The following TAFA1 variants were observed in gnomAD, a reference collection of about 807,000 sequenced individuals.
TAFA1 encodes the protein chemokine-like protein TAFA-1.
TAFA1 carries 4 observed loss-of-function variants against 18.5 expected under a neutral mutation model. That is an observed-to-expected ratio of 0.22 (90% CI 0.11 to 0.49). The LOEUF (loss-of-function observed/expected upper bound fraction) is 0.49, where lower values mean the gene tolerates loss of function less well. Among genes scored for constraint, TAFA1 ranks in the 20% least tolerant of loss-of-function variants. The probability of loss-of-function intolerance (pLI) is 0.98; values close to 1 mark genes in which losing one functional copy is unlikely to be tolerated. For missense variants in TAFA1, 147 were observed against 169.0 expected (o/e 0.87, Z 0.72); for synonymous variants, 56 against 55.2 (o/e 1.01, Z -0.06).
intron 2 of TAFA1, among the ~76,000 whole-genome samples, chr3:68,168,144 C>CGAA (rs1553647736): frequency 1.7e-4 from 20 of 116,450 alleles, no homozygotes; most frequent in Middle Eastern, 9.9e-3. Flanking sequence ...TTTTCAGATA[C>CGAA]AAAAAAAAAA....
intron 3 of TAFA1, among the ~76,000 whole-genome samples, chr3:68,489,078 C>T (rs1447619455): frequency 6.6e-6 from 1 of 152,170 alleles, no homozygotes; most frequent in Non-Finnish European, 1.5e-5. Context: ...AAAAATTGAG[C>T]TAATGTCACA....
At chr3:68,387,176 T>C (rs2070123711) in intron 2 of TAFA1, among the ~76,000 whole-genome samples, 1 of 152,062 alleles carries the variant, frequency 6.6e-6, no homozygotes, top group South Asian at 2.1e-4. Flanking sequence ...TCTTTGTTGT[T>C]GGCTGAAAGC....
chr3:68,087,265 G>C (rs1021093992), intron 2 of TAFA1, among the ~76,000 whole-genome samples: 2 of 152,030 alleles, frequency 1.3e-5, no homozygotes, highest in African/African-American at 4.8e-5. Flanking sequence ...AATTTGGTTT[G>C]GGAAGTTTTT....
chr3:68,356,258 T>C (rs2069362379), intron 2 of TAFA1, among the ~76,000 whole-genome samples: 1 of 151,916 alleles, frequency 6.6e-6, no homozygotes, highest in Non-Finnish European at 1.5e-5. Context: ...TTCAGGCTTA[T>C]GCATGGCCCC....
chr3:68,134,457 C>A (rs2065583034), intron 2 of TAFA1, among the ~76,000 whole-genome samples: 1 of 152,090 alleles, frequency 6.6e-6, no homozygotes, highest in Non-Finnish European at 1.5e-5. Context: ...CCTTTGTTAG[C>A]CACTGACATT....
In TAFA1 at chr3:68,167,879, C is replaced by A. The variant is rs184508479; in HGVS notation, c.118+161135C>A. Among the ~76,000 whole-genome samples the A allele has an allele frequency of 4.9e-4, 75 of 152,066 alleles. No individual in the cohort carries two copies. The South Asian group carries it at 8.3e-3, about 17-fold the overall frequency. ...TGCAACAGAGACATTGTCCCCCTAC[C>A]CCCAAAATATTAAATAAATAAATAA... On this transcript the variant is annotated intron_variant, in intron 2 of 4. Coordinates refer to ENST00000478136, the MANE Select transcript of TAFA1 (RefSeq NM_213609.4).
chr3:68,114,195 C>T (rs2065299078), intron 2 of TAFA1, among the ~76,000 whole-genome samples: 1 of 151,992 alleles, frequency 6.6e-6, no homozygotes, highest in Non-Finnish European at 1.5e-5. Context: ...GGAGACGTGG[C>T]CTTGTCTTCC....
chr3:68,014,068 C>T (rs1380029186), intron 2 of TAFA1, among the ~76,000 whole-genome samples: 1 of 152,186 alleles, frequency 6.6e-6, no homozygotes, highest in African/African-American at 2.4e-5. Context: ...GGTGTGCTTT[C>T]ATATCACACA....
intron 2 of TAFA1, among the ~76,000 whole-genome samples, chr3:68,115,501 A>G (rs2065314291): frequency 6.6e-6 from 1 of 152,210 alleles, no homozygotes. Flanking sequence ...CAGACCAAAT[A>G]ATGAGCCCTA....
chr3:68,214,297 A>G (rs1463989799), intron 2 of TAFA1, among the ~76,000 whole-genome samples: 1 of 152,074 alleles, frequency 6.6e-6, no homozygotes, highest in Non-Finnish European at 1.5e-5. Flanking sequence ...TTATTTCCTT[A>G]TTAAACCAAT....
chr3:68,483,160 G>A (rs866408299), intron 3 of TAFA1, among the ~76,000 whole-genome samples: 5 of 152,148 alleles, frequency 3.3e-5, no homozygotes, highest in African/African-American at 4.8e-5. Flanking sequence ...ATGGGAGTAA[G>A]GAAGTAACCC....
intron 2 of TAFA1, among the ~76,000 whole-genome samples, chr3:68,282,835 G>T (rs2107260078): frequency 1.3e-5 from 2 of 152,260 alleles, no homozygotes; most frequent in South Asian, 4.1e-4. Flanking sequence ...CAGGTTAATT[G>T]ATTCCAGATC....
intron 3 of TAFA1, among the ~76,000 whole-genome samples, chr3:68,482,968 A>T (rs183192151): frequency 1.3e-5 from 2 of 152,336 alleles, no homozygotes; most frequent in African/African-American, 4.8e-5. Context: ...CACTAAATTC[A>T]ACTTCTTTCT....
intron 2 of TAFA1, among the ~76,000 whole-genome samples, chr3:68,060,679 G>A (rs1333978896): frequency 6.6e-6 from 1 of 152,068 alleles, no homozygotes; most frequent in East Asian, 1.9e-4. Context: ...ATGTCTCTTG[G>A]GTCAGTCTCT....
intron 2 of TAFA1, among the ~76,000 whole-genome samples, chr3:68,413,965 G>T (rs189590622): frequency 6.6e-6 from 1 of 152,056 alleles, no homozygotes; most frequent in Non-Finnish European, 1.5e-5. Flanking sequence ...TGCAGTAACC[G>T]TCAAAGTGAC....
At chr3:68,025,838 T>G (rs961672807) in intron 2 of TAFA1, among the ~76,000 whole-genome samples, 4 of 152,190 alleles carry the variant, frequency 2.6e-5, no homozygotes, top group Non-Finnish European at 5.9e-5. Context: ...ATCTCAGAAC[T>G]GCACATCTCC....
At chr3:68,242,241 G>T (rs1269462641) in intron 2 of TAFA1, among the ~76,000 whole-genome samples, 1 of 152,120 alleles carries the variant, frequency 6.6e-6, no homozygotes, top group African/African-American at 2.4e-5. Flanking sequence ...CTGTGACTCT[G>T]TGTTTAGGTA....
chr3:68,063,327 C>T (rs1392124361), intron 2 of TAFA1, among the ~76,000 whole-genome samples: 1 of 152,120 alleles, frequency 6.6e-6, no homozygotes, highest in African/African-American at 2.4e-5. Context: ...CGGTGGGTCT[C>T]ATCTTAGAGA....
intron 3 of TAFA1, among the ~76,000 whole-genome samples, chr3:68,478,768 T>C (rs530081646): frequency 6.6e-6 from 1 of 152,128 alleles, no homozygotes; most frequent in South Asian, 2.1e-4. Context: ...AATGAATAAA[T>C]GATTATTTGA....
Sources: gnomAD v4.1 joint callset for allele counts (sites outside exome capture counted in the v4.1 genomes callset) on GRCh38, gnomAD v4.1.1 for gene constraint, MANE v1.5 for transcripts, NCBI Gene and HGNC (gene_info 2026-07-23, HGNC 2026-07-21) for gene names.